SHROOM4: variants seen among roughly 807,000 people sequenced by gnomAD.
The protein encoded by SHROOM4 is shroom family member 4.
In SHROOM4, 17 loss-of-function variants were observed where a neutral mutation model predicts 80.3. The observed-to-expected ratio is 0.21, with a 90% CI of 0.14 to 0.32. SHROOM4 has a LOEUF of 0.32. Among genes scored for constraint, SHROOM4 ranks in the 10% least tolerant of loss-of-function variants. The pLI, the probability that SHROOM4 is intolerant of heterozygous loss-of-function variation, is 1.00. For synonymous variants in SHROOM4, 400 were observed against 437.5 expected (o/e 0.91, Z 1.07); for missense variants, 993 against 1,140.3 (o/e 0.87, Z 1.86).
At chrX:50,618,076 T>C (rs781873585) in intron 5 of SHROOM4, among the ~76,000 whole-genome samples, 136 of 111,373 alleles carry the variant, frequency 1.2e-3, no homozygotes, top group Middle Eastern at 4.6e-3. Context: ...GAGGCTTCCA[T>C]TGAAGGGTGT....
intron 1 of SHROOM4, among the ~76,000 whole-genome samples, chrX:50,734,653 G>C (rs1368271413): frequency 9.0e-6 from 1 of 111,036 alleles, no homozygotes; most frequent in African/African-American, 3.3e-5. Flanking sequence ...GACCTCAAGT[G>C]ATCTGCCTGC....
chrX:50,660,525 TCTCCCTCC>T (rs782232863), intron 2 of SHROOM4, among the ~76,000 whole-genome samples: 2 of 67,895 alleles, frequency 2.9e-5, no homozygotes, highest in Non-Finnish European at 5.6e-5. Context: ...TCTCTCTCTC[TCTCCCTCC>T]CTCCCTCCCT....
chrX:50,697,851 T>C (rs1327537166), intron 1 of SHROOM4, among the ~76,000 whole-genome samples: 3 of 112,212 alleles, frequency 2.7e-5, no homozygotes, highest in Non-Finnish European at 5.6e-5. Flanking sequence ...GAAGTTCTAT[T>C]TGAATGACTC....
intron 2 of SHROOM4, among the ~76,000 whole-genome samples, chrX:50,642,117 G>A (rs1931624771): frequency 8.9e-6 from 1 of 112,404 alleles, no homozygotes; most frequent in Non-Finnish European, 1.9e-5. Context: ...CTACTATTTG[G>A]CCTATTATTA....
At chrX:50,618,983 G>A (rs1930463336) in intron 5 of SHROOM4, among the ~76,000 whole-genome samples, 2 of 111,630 alleles carry the variant, frequency 1.8e-5, no homozygotes. Context: ...AGCAGAGGAA[G>A]CATGAAAGCA....
At chrX:50,784,525 T>C (rs1310497131) in intron 1 of SHROOM4, among the ~76,000 whole-genome samples, 4 of 111,649 alleles carry the variant, frequency 3.6e-5, no homozygotes, top group Non-Finnish European at 7.5e-5. Flanking sequence ...ATGCAACAAA[T>C]AGTGTTGGAA....
chrX:50,715,926 A>G (rs1933939220), intron 1 of SHROOM4, among the ~76,000 whole-genome samples: 1 of 110,892 alleles, frequency 9.0e-6, no homozygotes, highest in African/African-American at 3.3e-5. Flanking sequence ...TGTTCATGGT[A>G]GCATTATTCA....
intron 1 of SHROOM4, among the ~76,000 whole-genome samples, chrX:50,765,166 T>C (rs1935247941): frequency 8.9e-6 from 1 of 111,985 alleles, no homozygotes; most frequent in Admixed American, 9.5e-5. Context: ...AGCCAGACCA[T>C]ATCACAATCC....
intron 5 of SHROOM4, among the ~76,000 whole-genome samples, chrX:50,613,810 T>C (rs1930102674): frequency 8.9e-6 from 1 of 111,990 alleles, no homozygotes; most frequent in African/African-American, 3.2e-5. Context: ...AAATTTCATA[T>C]GGGAAAATTA....
chrX:50,799,873 G>A (rs1936085208), intron 1 of SHROOM4, among the ~76,000 whole-genome samples: 1 of 111,786 alleles, frequency 8.9e-6, no homozygotes, highest in Non-Finnish European at 1.9e-5. Flanking sequence ...AACACCATAG[G>A]AAATGCTGCA....
At chrX:50,786,598 T>C in intron 1 of SHROOM4, among the ~76,000 whole-genome samples, 1 of 111,140 alleles carries the variant, frequency 9.0e-6, no homozygotes, top group African/African-American at 3.3e-5. Context: ...GAAAGTAGGG[T>C]GGAATAGCAT....
intron 1 of SHROOM4, among the ~76,000 whole-genome samples, chrX:50,797,840 TG>T (rs1239092601): frequency 9.0e-6 from 1 of 110,823 alleles, no homozygotes; most frequent in African/African-American, 3.3e-5. Flanking sequence ...AATGTATCTT[TG>T]GAAGGGTGTC....
At chrX:50,578,092 C>A in the SHROOM4 span, among the ~76,000 whole-genome samples, 1 of 111,806 alleles carries the variant, frequency 8.9e-6, no homozygotes, top group African/African-American at 3.3e-5. Context: ...TGCACACATA[C>A]ACGCACACAC....
chrX:50,694,295 G>A (rs1557262841), intron 2 of SHROOM4, among the ~76,000 whole-genome samples: 2 of 108,340 alleles, frequency 1.8e-5, no homozygotes, highest in Non-Finnish European at 3.8e-5. Context: ...TGTTTTCTAT[G>A]GTGGCTGTAC....
At chrX:50,675,305 T>C (rs1462507684) in intron 2 of SHROOM4, among the ~76,000 whole-genome samples, 3 of 111,660 alleles carry the variant, frequency 2.7e-5, no homozygotes, top group Non-Finnish European at 5.7e-5. Context: ...TTTACCTATG[T>C]AACAAACCTT....
At position 50,673,335 on chromosome X, in the gene SHROOM4, A is replaced by G. The variant is rs1215633618; in HGVS notation, c.269+22451T>C. ...TACTTCAAACTGGTAAAATGACAAT[A>G]TCAATAAACTGTGATACATGATGTA... On this transcript the variant is annotated intron_variant, in intron 2 of 8. Transcript: ENST00000376020. 1.6e-4 allele frequency among the ~76,000 whole-genome samples: 18 copies of G among 111,450 alleles called. No homozygotes were observed. The Admixed American group carries it at 1.7e-3, about 11-fold the overall frequency.
In SHROOM4 at chrX:50,695,837, G is replaced by T. The variant is rs1557263006; in HGVS notation, c.218C>A (p.Ala73Asp). Residue 73 changes from alanine (A) to aspartate (D), a missense_variant, in exon 2 of 9, where the codon GCC becomes GAC. Physicochemically the swap from Ala to Asp is moderately radical, Grantham distance 126. Transcript: ENST00000376020. ...GAAGGAGCCTTTGATGAGAATGAGGGCCTCTTGGCGGGAGCCATATAATGG... is the reference window on the plus strand; with the variant it reads ...GAAGGAGCCTTTGATGAGAATGAGGTCCTCTTGGCGGGAGCCATATAATGG... ...GTPLYGSRQEALILIKGSFRI... is the reference protein window; with the variant it reads ...GTPLYGSRQEDLILIKGSFRI... 8.3e-7 allele frequency: 1 copy of T among 1,211,338 alleles called. No individual in the cohort carries two copies. The highest frequency in any genetic ancestry group is 1.1e-6 in the Non-Finnish European group (1 of 895,102).
At chrX:50,739,167 T>C (rs1602476571) in intron 1 of SHROOM4, among the ~76,000 whole-genome samples, 1 of 111,179 alleles carries the variant, frequency 9.0e-6, no homozygotes, top group Non-Finnish European at 1.9e-5. Context: ...TTACACCTTA[T>C]ACAAAAATTA....
chrX:50,659,641 G>A (rs1169900672), intron 2 of SHROOM4, among the ~76,000 whole-genome samples: 1 of 112,126 alleles, frequency 8.9e-6, no homozygotes, highest in African/African-American at 3.2e-5. Context: ...CCATACTCCA[G>A]GGGAAACCAC....
Sources: allele counts gnomAD v4.1 joint callset (sites outside exome capture counted in the v4.1 genomes callset), GRCh38; gene constraint gnomAD v4.1.1; transcripts MANE v1.5; gene names NCBI Gene and HGNC (gene_info 2026-07-23, HGNC 2026-07-21).